MDM2: variants seen among roughly 807,000 people sequenced by gnomAD.
MDM2 encodes MDM2 proto-oncogene.
MDM2 carries 11 observed loss-of-function variants against 64.3 expected under a neutral mutation model. The ratio of observed to expected loss-of-function variants is 0.17; its 90% CI spans 0.11 to 0.28. The LOEUF is 0.28. Ranked by LOEUF, MDM2 falls within the 10% of genes least tolerant of loss-of-function variation. The pLI, the probability that MDM2 is intolerant of heterozygous loss-of-function variation, is 1.00. For missense variants in MDM2, 388 were observed against 577.1 expected (o/e 0.67, Z 3.36); for synonymous variants, 194 against 192.9 (o/e 1.01, Z -0.05).
chr12:68,822,931 G>A (rs971585633), intron 5 of MDM2, among the ~76,000 whole-genome samples: 1 of 152,046 alleles, frequency 6.6e-6, no homozygotes, highest in Non-Finnish European at 1.5e-5. Context: ...AGTAGAGAAA[G>A]GGTTTCACCA....
chr12:68,808,545 C>T (rs760721754), intron 1 of MDM2, 54 bp downstream of exon 1: 2 of 1,611,998 alleles, frequency 1.2e-6, no homozygotes, highest in African/African-American at 1.3e-5. Context: ...GACGGTGTCC[C>T]CTCTATCGCT....
intron 4 of MDM2, among the ~76,000 whole-genome samples, chr12:68,818,417 TTTG>T (rs767184413): frequency 2.0e-5 from 3 of 151,410 alleles, no homozygotes; most frequent in Non-Finnish European, 2.9e-5. Context: ...AGGACTGTAG[TTTG>T]TTAACAAAAG....
intron 7 of MDM2, 113 bp downstream of exon 7, chr12:68,824,764 A>G: frequency 1.5e-6 from 1 of 684,902 alleles, no homozygotes; most frequent in East Asian, 2.8e-5. Flanking sequence ...GTTGAGATGA[A>G]TTAACCTCTG....
rs7956669 is a variant in MDM2 at position 68,844,727 on chromosome 12, A to G, written c.*4878A>G. 0.07 allele frequency: 14,870 copies of G among 213,208 alleles called. 639 individuals are homozygous for G. Among genetic ancestry groups the G allele is most frequent in the African/African-American group, 0.13 (5,542 of 44,222 alleles). The allele number at this position is 213,208 out of a possible 1,614,324, so 13.2% of individuals were successfully genotyped here. A position where few individuals can be genotyped will look rare whatever the true frequency, so the allele number is the denominator to read the frequency against. ...GACGGGGACTAGCTTTTGGCATTAT[A>G]TAATTAAGATTTTTTAAATCCTTAA... On this transcript the variant is annotated 3_prime_UTR_variant, in exon 11 of 11. Transcript: ENST00000258149.
intron 5 of MDM2, among the ~76,000 whole-genome samples, chr12:68,822,549 T>G (rs1881948244): frequency 6.6e-6 from 1 of 152,198 alleles, no homozygotes; most frequent in Admixed American, 6.5e-5. Context: ...GTATTTGTAG[T>G]AGTAGTTTGA....
At position 68,845,475 on chromosome 12, in the gene MDM2, A is replaced by G. The variant is rs1884217229; in HGVS notation, c.*5626A>G. 4.9e-6 allele frequency: 1 copy of G among 205,740 alleles called. No individual in the cohort carries two copies. The highest frequency in any genetic ancestry group is 1.9e-4 in the South Asian group (1 of 5,316). The allele number at this position is 205,740 out of a possible 1,614,324, so 12.7% of individuals were successfully genotyped here. ...GTAACTTATTCATAATGCATCTGAA[A>G]TGATTGCTGTACTCAAATATTTAAC... On this transcript the variant is annotated 3_prime_UTR_variant, in exon 11 of 11. Coordinates refer to ENST00000258149, the MANE Select transcript of MDM2 (RefSeq NM_002392.6).
chr12:68,839,998 G>A lies in MDM2; in HGVS notation c.*149G>A. The stretch of plus-strand genomic sequence containing the variant: ...TTAGTATAATTGACCTACTTTGGTA[G>A]TGGAATAGTGAATACTTACTATAAT... On this transcript the variant is annotated 3_prime_UTR_variant, in exon 11 of 11. Coordinates refer to ENST00000258149, the MANE Select transcript of MDM2 (RefSeq NM_002392.6). 1.5e-6 allele frequency: 1 copy of A among 672,402 alleles called. No individual in the cohort carries two copies. The highest frequency in any genetic ancestry group is 2.4e-6 in the Non-Finnish European group (1 of 410,834). 41.7% of individuals were successfully genotyped at this position (672,402 alleles called of 1,614,324 possible).
intron 8 of MDM2, among the ~76,000 whole-genome samples, chr12:68,829,252 A>G (rs192660097): frequency 3.6e-4 from 55 of 150,798 alleles, no homozygotes; most frequent in African/African-American, 1.3e-3. Context: ...ATTGGAGTAT[A>G]GAGTTGTTTG....
chr12:68,817,490 C>G (rs1881481087), intron 4 of MDM2, among the ~76,000 whole-genome samples: 1 of 152,154 alleles, frequency 6.6e-6, no homozygotes, highest in Admixed American at 6.5e-5. Context: ...TGGCTCACAC[C>G]TGTAATCCCA....
At chr12:68,827,743 C>T (rs1016915261) in intron 7 of MDM2, among the ~76,000 whole-genome samples, 11 of 152,098 alleles carry the variant, frequency 7.2e-5, no homozygotes, top group South Asian at 4.1e-4. Context: ...TTATGTCTAA[C>T]GGATTTGTCT....
chr12:68,817,757 A>C (rs1881506298), intron 4 of MDM2, among the ~76,000 whole-genome samples: 1 of 151,970 alleles, frequency 6.6e-6, no homozygotes, highest in Non-Finnish European at 1.5e-5. Flanking sequence ...GCATCTGAAA[A>C]AAAAATTTTT....
At chr12:68,810,958 C>A (rs1355258422) in intron 2 of MDM2, among the ~76,000 whole-genome samples, 1 of 152,040 alleles carries the variant, frequency 6.6e-6, no homozygotes, top group African/African-American at 2.4e-5. Context: ...CTCTGCCTCA[C>A]GGGTTCAAGC....
chr12:68,838,729 T>C lies in MDM2; in HGVS notation c.919-545T>C, dbSNP rs3730650. ...CTGCATGACAGAGTAAAAGATCCCA[T>C]AGACTTGCTTCAACTAAAGGAAGCA... On this transcript the variant is annotated intron_variant, in intron 10 of 10. Coordinates refer to ENST00000258149, the MANE Select transcript of MDM2 (RefSeq NM_002392.6). 1.9e-3 allele frequency among the ~76,000 whole-genome samples: 296 copies of C among 152,280 alleles called. 1 individual carries two copies. Among genetic ancestry groups the C allele is most frequent in the African/African-American group, 6.6e-3 (276 of 41,566 alleles).
downstream of MDM2, chr12:68,846,466 T>C (rs1402442849): frequency 1.3e-5 from 2 of 152,202 alleles, no homozygotes; most frequent in Non-Finnish European, 2.9e-5. Context: ...TTTTAGCGCT[T>C]TTGCCTGTGT....
At chr12:68,832,679 A>G (rs1023154345) in intron 8 of MDM2, among the ~76,000 whole-genome samples, 1 of 136,318 alleles carries the variant, frequency 7.3e-6, no homozygotes, top group African/African-American at 2.6e-5. Context: ...CACCTGGCTA[A>G]TTTTTTTTAC....
intron 7 of MDM2, 66 bp downstream of exon 7, chr12:68,824,717 G>T: frequency 9.5e-7 from 1 of 1,054,118 alleles, no homozygotes. Context: ...AATGAAATTA[G>T]TGCTTTTAGA....
At chr12:68,820,216 A>G in intron 4 of MDM2, 109 bp from the exon 5 acceptor site, 1 of 760,348 alleles carries the variant, frequency 1.3e-6, no homozygotes, top group East Asian at 2.6e-5. Flanking sequence ...GAATGTGTGC[A>G]GTAGTTCATA....
At position 68,845,409 on chromosome 12, in the gene MDM2, CAAAAT is replaced by C. The variant is rs1483884777; in HGVS notation, c.*5565_*5569del. ...ATAAAATGAGCTAACAAACGAAAGG[CAAAAT>C]AAAACCGTAAAGCAAGCAGATGGGA... On this transcript the variant is annotated 3_prime_UTR_variant, in exon 11 of 11. Coordinates refer to ENST00000258149, the MANE Select transcript of MDM2 (RefSeq NM_002392.6). 5 of 208,366 alleles carry C rather than the reference CAAAAT, an allele frequency of 2.4e-5. No individual in the cohort carries two copies. Among genetic ancestry groups the C allele is most frequent in the African/African-American group, 1.1e-4 (5 of 43,746 alleles). The allele number at this position is 208,366 out of a possible 1,614,324, so 12.9% of individuals were successfully genotyped here. A position where few individuals can be genotyped will look rare whatever the true frequency, so the allele number is the denominator to read the frequency against.
intron 7 of MDM2, among the ~76,000 whole-genome samples, chr12:68,826,027 T>C (rs1468630210): frequency 2.0e-5 from 3 of 152,304 alleles, no homozygotes; most frequent in Admixed American, 6.5e-5. Flanking sequence ...ACTGTTAATA[T>C]CTGTATTACA....
Sources: allele counts gnomAD v4.1 joint callset (sites outside exome capture counted in the v4.1 genomes callset), GRCh38; gene constraint gnomAD v4.1.1; transcripts MANE v1.5; gene names NCBI Gene and HGNC (gene_info 2026-07-23, HGNC 2026-07-21).